The following EPHA5 variants were observed in gnomAD, a reference collection of about 807,000 sequenced individuals.
EPHA5 encodes EPH receptor A5.
A neutral mutation model predicts 105.0 loss-of-function variants in EPHA5; 60 were observed. The ratio of observed to expected loss-of-function variants is 0.57; its 90% CI spans 0.46 to 0.71. EPHA5 has a LOEUF of 0.71. EPHA5 is among the 30% of genes least tolerant of loss of function. EPHA5 has a pLI of 0.00. For missense variants in EPHA5, 1,218 were observed against 1,274.7 expected (o/e 0.96, Z 0.68); for synonymous variants, 513 against 449.1 (o/e 1.14, Z -1.80).
chr4:65,661,789 G>T (rs959916334), intron 1 of EPHA5, among the ~76,000 whole-genome samples: 22 of 152,222 alleles, frequency 1.4e-4, no homozygotes, highest in African/African-American at 5.1e-4. Flanking sequence ...CCATAGAAAA[G>T]ACATTAACAA....
Position 65,390,950 on chromosome 4 carries a change from A to G in EPHA5, c.1793+13424T>C, listed in dbSNP as rs143074915. Among the ~76,000 whole-genome samples the G allele has an allele frequency of 6.4e-3, 972 of 152,144 alleles. 10 individuals are homozygous for G. The highest frequency in any genetic ancestry group is 0.022 in the African/African-American group (917 of 41,544). ...TATAAAGAACTGCTGGAGACCGGGT[A>G]ATTTATAAGAGAAAGTGGGTGGAGA... On this transcript the variant is annotated intron_variant, in intron 8 of 16. Coordinates refer to ENST00000613740, the MANE Select transcript of EPHA5 (RefSeq NM_001281766.3).
chr4:65,448,662 AAAC>A (rs747366587), intron 5 of EPHA5, among the ~76,000 whole-genome samples: 24 of 152,132 alleles, frequency 1.6e-4, no homozygotes, highest in Non-Finnish European at 2.5e-4. Context: ...ACATAGAAAC[AAAC>A]AACAACAACA....
chr4:65,643,258 T>C, intron 2 of EPHA5, 105 bp downstream of exon 2: 1 of 896,216 alleles, frequency 1.1e-6, no homozygotes, highest in Non-Finnish European at 1.8e-6. Flanking sequence ...TAGCACCTCC[T>C]GTCTTAACAA....
Position 65,424,979 on chromosome 4 carries a change from A to G in EPHA5, c.1403-4414T>C, listed in dbSNP as rs536676313. Reference sequence around the variant, plus strand: ...GAAAATACCATTCACGCATCCCTATAGCCAACACTTTTTGTGTAGGCAGTA... The same window carrying G: ...GAAAATACCATTCACGCATCCCTATGGCCAACACTTTTTGTGTAGGCAGTA... On this transcript the variant is annotated intron_variant, in intron 5 of 16. Transcript: ENST00000613740. 1.5e-3 allele frequency among the ~76,000 whole-genome samples: 230 copies of G among 152,252 alleles called. 1 individual carries two copies. The highest frequency in any genetic ancestry group is 5.3e-3 in the African/African-American group (222 of 41,570).
intron 2 of EPHA5, among the ~76,000 whole-genome samples, chr4:65,637,103 ACTGT>A (rs1041861649): frequency 3.3e-5 from 5 of 152,028 alleles, no homozygotes; most frequent in African/African-American, 1.2e-4. Context: ...ACAAATAAAT[ACTGT>A]CTGTCACATA....
chr4:65,540,239 T>C (rs1157161381), intron 3 of EPHA5, among the ~76,000 whole-genome samples: 2 of 151,616 alleles, frequency 1.3e-5, no homozygotes, highest in Non-Finnish European at 3.0e-5. Context: ...TTTTGAAAAG[T>C]AATATTTTTC....
intron 5 of EPHA5, among the ~76,000 whole-genome samples, chr4:65,489,781 T>G (rs1278996400): frequency 1.3e-5 from 2 of 152,216 alleles, no homozygotes; most frequent in African/African-American, 2.4e-5. Flanking sequence ...TACTTATTAA[T>G]TCCAAAATTT....
At chr4:65,404,908 T>C (rs753107432) in intron 7 of EPHA5, among the ~76,000 whole-genome samples, 10 of 152,132 alleles carry the variant, frequency 6.6e-5, no homozygotes, top group Non-Finnish European at 1.2e-4. Context: ...TGAACCCAGA[T>C]GGGATTTTTT....
At chr4:65,440,379 A>G (rs1725891372) in intron 5 of EPHA5, among the ~76,000 whole-genome samples, 2 of 152,052 alleles carry the variant, frequency 1.3e-5, no homozygotes, top group South Asian at 4.1e-4. Flanking sequence ...GGAGATATGG[A>G]TACATATTAA....
chr4:65,600,169 T>C (rs1461905099), intron 3 of EPHA5, among the ~76,000 whole-genome samples: 4 of 152,186 alleles, frequency 2.6e-5, no homozygotes, highest in Admixed American at 2.6e-4. Flanking sequence ...CTGCTTTTGA[T>C]CCTTTAATTA....
chr4:65,371,092 T>G (rs1345535087), intron 8 of EPHA5, among the ~76,000 whole-genome samples: 1 of 152,168 alleles, frequency 6.6e-6, no homozygotes, highest in Non-Finnish European at 1.5e-5. Context: ...TGATGTCTTT[T>G]TTTTCTGAAT....
chr4:65,589,104 T>C (rs1253957926), intron 3 of EPHA5, among the ~76,000 whole-genome samples: 2 of 152,276 alleles, frequency 1.3e-5, no homozygotes, highest in African/African-American at 4.8e-5. Context: ...TGGGAGACAG[T>C]GGAAACATTT....
chr4:65,524,687 T>C (rs189748984), intron 3 of EPHA5, among the ~76,000 whole-genome samples: 92 of 152,008 alleles, frequency 6.1e-4, no homozygotes, highest in African/African-American at 2.1e-3. Context: ...GCACACTTTA[T>C]GATTTTTATA....
chr4:65,336,205 A>T, intron 14 of EPHA5, 80 bp from the exon 15 acceptor site: 1 of 1,152,454 alleles, frequency 8.7e-7, no homozygotes, highest in Non-Finnish European at 1.2e-6. Context: ...CCACTGTCCA[A>T]CTTTTATCCT....
At chr4:65,665,009 T>C (rs1749846742) in intron 1 of EPHA5, among the ~76,000 whole-genome samples, 1 of 151,840 alleles carries the variant, frequency 6.6e-6, no homozygotes, top group Admixed American at 6.6e-5. Flanking sequence ...ATTAGTAAAA[T>C]AGAATATATT....
intron 5 of EPHA5, among the ~76,000 whole-genome samples, chr4:65,425,619 C>A (rs1005219658): frequency 1.3e-5 from 2 of 151,608 alleles, no homozygotes; most frequent in South Asian, 4.2e-4. Context: ...ATTATTATTA[C>A]TATTTTAAAA....
At chr4:65,605,833 A>G (rs924323152) in intron 2 of EPHA5, among the ~76,000 whole-genome samples, 11 of 152,136 alleles carry the variant, frequency 7.2e-5, no homozygotes. Context: ...AATCTCTGGC[A>G]TAACAACTAT....
At chr4:65,485,620 T>C (rs1265655985) in intron 5 of EPHA5, among the ~76,000 whole-genome samples, 1 of 152,208 alleles carries the variant, frequency 6.6e-6, no homozygotes. Context: ...AATCATTTAA[T>C]CGCTTCTATA....
intron 7 of EPHA5, among the ~76,000 whole-genome samples, chr4:65,412,905 G>A (rs1056413647): frequency 6.6e-6 from 1 of 151,882 alleles, no homozygotes; most frequent in African/African-American, 2.4e-5. Flanking sequence ...TTTTTAAATG[G>A]GATTTTTCAT....
Sources: gnomAD v4.1 joint callset for allele counts (sites outside exome capture counted in the v4.1 genomes callset) on GRCh38, gnomAD v4.1.1 for gene constraint, MANE v1.5 for transcripts, NCBI Gene and HGNC (gene_info 2026-07-23, HGNC 2026-07-21) for gene names.